The following SVIL variants were observed in gnomAD, a reference collection of about 807,000 sequenced individuals.
The protein encoded by SVIL is supervillin, also known as archvillin.
SVIL carries 101 observed loss-of-function variants against 240.4 expected under a neutral mutation model. The ratio of observed to expected loss-of-function variants is 0.42; its 90% confidence interval spans 0.36 to 0.50. The LOEUF (loss-of-function observed/expected upper bound fraction) is 0.50, where lower values mean the gene tolerates loss of function less well. Among genes scored for constraint, SVIL ranks in the 20% least tolerant of loss-of-function variants. The probability of loss-of-function intolerance (pLI) is 0.01; values close to 1 mark genes in which losing one functional copy is unlikely to be tolerated. For synonymous variants in SVIL, 999 were observed against 1,100.0 expected (o/e 0.91, Z 1.82); for missense variants, 2,512 against 2,818.7 (o/e 0.89, Z 2.46).
intron 33 of SVIL, among the ~76,000 whole-genome samples, chr10:29,466,029 C>A (rs1944868629): frequency 6.6e-6 from 1 of 151,852 alleles, no homozygotes; most frequent in African/African-American, 2.4e-5. Flanking sequence ...AATACAGCAA[C>A]TAGTTAATAT....
rs1363159917 is a variant in SVIL, at chr10:29,457,391, T to A, written c.*856A>T. The A allele has an allele frequency of 6.6e-6, 1 of 150,550 alleles. No individual in the cohort carries two copies. The highest frequency in any genetic ancestry group is 1.5e-5 in the Non-Finnish European group (1 of 67,804). 9.3% of individuals were successfully genotyped at this position (150,550 alleles called of 1,614,324 possible). ...TTATTCTGATACTTTTATTTGGGAG[T>A]CCTATATCACAAAATGACATGTGTA... On this transcript the variant is annotated 3_prime_UTR_variant, in exon 38 of 38. Coordinates refer to ENST00000355867, the MANE Select transcript of SVIL (RefSeq NM_021738.3).
intron 3 of SVIL, among the ~76,000 whole-genome samples, chr10:29,643,683 GTCTT>G (rs1213035533): frequency 1.4e-4 from 21 of 152,180 alleles, no homozygotes; most frequent in African/African-American, 1.9e-4. Flanking sequence ...AATTGAGTCT[GTCTT>G]TCTGTCTGTC....
At chr10:29,561,114 C>G (rs1230304383) in intron 3 of SVIL, among the ~76,000 whole-genome samples, 1 of 148,516 alleles carries the variant, frequency 6.7e-6, no homozygotes, top group East Asian at 2.0e-4. Flanking sequence ...AGCCACCATG[C>G]CCAGCCGGGG....
intron 9 of SVIL, 79 bp downstream of exon 9, chr10:29,531,923 G>T: frequency 1.3e-6 from 2 of 1,490,378 alleles, no homozygotes; most frequent in South Asian, 1.2e-5. Context: ...TATAAATAGC[G>T]TCAAGACCGT....
chr10:29,501,060 T>G (rs947820316), intron 17 of SVIL, among the ~76,000 whole-genome samples: 6 of 152,082 alleles, frequency 3.9e-5, no homozygotes, highest in African/African-American at 1.4e-4. Context: ...GATGAATCTG[T>G]CTTTCACAGG....
At chr10:29,635,596 G>C (rs1958282159), upstream of SVIL, among the ~76,000 whole-genome samples, 1 of 152,098 alleles carries the variant, frequency 6.6e-6, no homozygotes, top group Admixed American at 6.5e-5. Flanking sequence ...TGAAAAACCA[G>C]ATGAACCTAA....
chr10:29,506,756 G>GGGACAGAGGCCCTAGAGGGAAA (rs1223677573), intron 17 of SVIL, among the ~76,000 whole-genome samples: 8 of 140,390 alleles, frequency 5.7e-5, no homozygotes, highest in Non-Finnish European at 1.3e-4. Flanking sequence ...CTAGAGGGAG[G>GGGACAGAGGCCCTAGAGGGAAA]GGACAGAGGC....
At chr10:29,621,876 G>T (rs1018327491) in intron 1 of SVIL, among the ~76,000 whole-genome samples, 6 of 152,034 alleles carry the variant, frequency 3.9e-5, no homozygotes, top group African/African-American at 1.2e-4. Flanking sequence ...ACACAAATAT[G>T]CATACATACA....
At chr10:29,528,503 C>CTGAGG (rs775737695) in intron 12 of SVIL, among the ~76,000 whole-genome samples, 2 of 152,158 alleles carry the variant, frequency 1.3e-5, no homozygotes, top group Non-Finnish European at 2.9e-5. Context: ...CTTTGGGAGG[C>CTGAGG]TGAGGTGGGA....
At chr10:29,461,574 C>A (rs1298162700) in intron 36 of SVIL, among the ~76,000 whole-genome samples, 1 of 152,220 alleles carries the variant, frequency 6.6e-6, no homozygotes, top group South Asian at 2.1e-4. Context: ...AAAAACCTAT[C>A]TCTCACCAAA....
chr10:29,590,572 G>C (rs2132801531), intron 1 of SVIL, among the ~76,000 whole-genome samples: 2 of 152,318 alleles, frequency 1.3e-5, no homozygotes, highest in South Asian at 4.1e-4. Context: ...TATGCCATCT[G>C]GTTGGGTGGC....
intron 2 of SVIL, among the ~76,000 whole-genome samples, chr10:29,676,929 T>A (rs1376478653): frequency 6.6e-6 from 1 of 152,036 alleles, no homozygotes; most frequent in African/African-American, 2.4e-5. Context: ...TCCCAGGTCA[T>A]CAGAACCCAT....
At chr10:29,598,451 G>C (rs1001937918) in intron 1 of SVIL, among the ~76,000 whole-genome samples, 12 of 152,180 alleles carry the variant, frequency 7.9e-5, no homozygotes, top group African/African-American at 2.7e-4. Context: ...AACATGAAGG[G>C]TTAACAGGTG....
intron 1 of SVIL, among the ~76,000 whole-genome samples, chr10:29,597,008 A>G (rs1401229339): frequency 6.6e-6 from 1 of 152,078 alleles, no homozygotes; most frequent in African/African-American, 2.4e-5. Flanking sequence ...CCGCCCCCCT[A>G]CCAGGAATGT....
chr10:29,650,150 A>G (rs1439875576), intron 3 of SVIL, among the ~76,000 whole-genome samples: 2 of 152,222 alleles, frequency 1.3e-5, no homozygotes, highest in Admixed American at 1.3e-4. Flanking sequence ...TTAGACAATG[A>G]TGTTTGCTCA....
intron 18 of SVIL, among the ~76,000 whole-genome samples, chr10:29,498,881 T>C (rs1173561678): frequency 6.6e-6 from 1 of 152,156 alleles, no homozygotes; most frequent in African/African-American, 2.4e-5. Flanking sequence ...CTAGAGAGGC[T>C]GTGGTGGGAA....
At chr10:29,517,028 G>A (rs1386367684) in intron 16 of SVIL, among the ~76,000 whole-genome samples, 1 of 152,182 alleles carries the variant, frequency 6.6e-6, no homozygotes, top group Non-Finnish European at 1.5e-5. Context: ...GCACACTTAA[G>A]TACTTATATT....
intron 17 of SVIL, 106 bp from the exon 18 acceptor site, chr10:29,499,369 G>GT: frequency 7.0e-7 from 1 of 1,419,720 alleles, no homozygotes; most frequent in Non-Finnish European, 9.7e-7. Flanking sequence ...ACAAAGAGGA[G>GT]TAAGTATATT....
intron 1 of SVIL, among the ~76,000 whole-genome samples, chr10:29,689,301 T>C (rs2132609219): frequency 6.6e-6 from 1 of 152,294 alleles, no homozygotes; most frequent in Admixed American, 6.5e-5. Flanking sequence ...TCTTTTTTTT[T>C]TGAGACAGAG....
Sources: allele counts gnomAD v4.1 joint callset (sites outside exome capture counted in the v4.1 genomes callset), GRCh38; gene constraint gnomAD v4.1.1; transcripts MANE v1.5; gene names NCBI Gene and HGNC (gene_info 2026-07-23, HGNC 2026-07-21).